HECTD2: variants seen among roughly 807,000 people sequenced by gnomAD.
HECTD2 encodes the protein HECT domain E3 ubiquitin protein ligase 2.
A neutral mutation model predicts 103.2 loss-of-function variants in HECTD2; 35 were observed. The observed-to-expected ratio is 0.34, with a 90% CI of 0.26 to 0.45. The LOEUF (loss-of-function observed/expected upper bound fraction) is 0.45, where lower values mean the gene tolerates loss of function less well. Ranked by LOEUF, HECTD2 falls within the 20% of genes least tolerant of loss-of-function variation. The pLI is 1.00. For missense variants in HECTD2, 596 were observed against 937.4 expected (o/e 0.64, Z 4.76); for synonymous variants, 281 against 329.9 (o/e 0.85, Z 1.61).
chr10:91,438,381 C>T (rs1844230190), intron 2 of HECTD2, among the ~76,000 whole-genome samples: 1 of 152,114 alleles, frequency 6.6e-6, no homozygotes, highest in Non-Finnish European at 1.5e-5. Flanking sequence ...TGGTTTCCAG[C>T]TTCATCCATG....
chr10:91,425,165 A>T, intron 1 of HECTD2, 116 bp from the exon 2 acceptor site: 1 of 809,212 alleles, frequency 1.2e-6, no homozygotes, highest in Non-Finnish European at 1.7e-6. Context: ...ATACGTTTTT[A>T]TCTATTATCT....
At chr10:91,473,497 A>C (rs181890621) in intron 5 of HECTD2, among the ~76,000 whole-genome samples, 187 of 152,290 alleles carry the variant, frequency 1.2e-3, no homozygotes, top group Admixed American at 2.7e-3. Flanking sequence ...ATAAGAAAGA[A>C]TGATGAAAAA....
At chr10:91,444,688 A>G (rs78910834) in intron 2 of HECTD2, among the ~76,000 whole-genome samples, 3,056 of 152,290 alleles carry the variant, frequency 0.02, 103 homozygotes, top group African/African-American at 0.07. Context: ...GATTCTTAAA[A>G]TATAATTCAA....
intron 2 of HECTD2, among the ~76,000 whole-genome samples, chr10:91,428,673 CTGTT>C (rs1313889503): frequency 6.6e-6 from 1 of 151,580 alleles, no homozygotes; most frequent in African/African-American, 2.4e-5. Context: ...ATTTGGCTCT[CTGTT>C]TGTCTGTTAT....
At position 91,458,177 on chromosome 10, in the gene HECTD2, A is replaced by G. The variant is rs150229000; in HGVS notation, c.269-2250A>G. Among the ~76,000 whole-genome samples the G allele has an allele frequency of 5.5e-4, 83 of 152,074 alleles. 1 individual carries two copies. In the East Asian group the frequency reaches 7.5e-3, roughly 14 times the overall value. On this transcript the variant is annotated intron_variant, in intron 2 of 20. Coordinates refer to ENST00000298068, the MANE Select transcript of HECTD2 (RefSeq NM_182765.6). ...CACACGGACACTAAAATAAAAATGC[A>G]TATCATTTGTAATCACTTAAAAAAG...
chr10:91,417,252 T>G (rs1302866305), intron 1 of HECTD2, among the ~76,000 whole-genome samples: 2 of 152,220 alleles, frequency 1.3e-5, no homozygotes, highest in Non-Finnish European at 2.9e-5. Flanking sequence ...AGTTGATATT[T>G]GTAACTTGGA....
At chr10:91,440,460 G>A (rs934522371) in intron 2 of HECTD2, among the ~76,000 whole-genome samples, 2 of 152,060 alleles carry the variant, frequency 1.3e-5, no homozygotes, top group Admixed American at 1.3e-4. Context: ...TTTTTGATGT[G>A]CTGCTACATT....
At chr10:91,470,791 A>G (rs890463328) in intron 5 of HECTD2, among the ~76,000 whole-genome samples, 1 of 152,130 alleles carries the variant, frequency 6.6e-6, no homozygotes, top group African/African-American at 2.4e-5. Context: ...AGTAAGAAAC[A>G]GCTTACCAAC....
chr10:91,439,867 GAT>G (rs1313545028), intron 2 of HECTD2, among the ~76,000 whole-genome samples: 1 of 152,044 alleles, frequency 6.6e-6, no homozygotes, highest in African/African-American at 2.4e-5. Flanking sequence ...GTTCACTGAT[GAT>G]TTGGCTCTCT....
chr10:91,477,897 TC>T (rs1191880553), intron 5 of HECTD2, among the ~76,000 whole-genome samples: 3 of 152,312 alleles, frequency 2.0e-5, no homozygotes, highest in African/African-American at 7.2e-5. Flanking sequence ...CATTACTCTG[TC>T]CTGTCGGGTC....
intron 5 of HECTD2, among the ~76,000 whole-genome samples, chr10:91,470,591 T>C (rs1375057151): frequency 6.6e-6 from 1 of 152,050 alleles, no homozygotes; most frequent in African/African-American, 2.4e-5. Context: ...ACATCAAAAA[T>C]GTTAGATCTC....
intron 5 of HECTD2, among the ~76,000 whole-genome samples, chr10:91,471,472 C>G (rs565007874): frequency 6.6e-6 from 1 of 152,258 alleles, no homozygotes; most frequent in South Asian, 2.1e-4. Flanking sequence ...TTAGCCAGAG[C>G]AGTTGGGCAA....
chr10:91,450,025 C>T (rs759890574), intron 2 of HECTD2, among the ~76,000 whole-genome samples: 2 of 152,168 alleles, frequency 1.3e-5, no homozygotes, highest in Non-Finnish European at 2.9e-5. Flanking sequence ...TTAGAAAAAA[C>T]TACTTTACAT....
intron 11 of HECTD2, chr10:91,489,034 A>G (rs765335779): frequency 2.6e-5 from 4 of 152,028 alleles, no homozygotes; most frequent in African/African-American, 7.2e-5. Flanking sequence ...TGATTTTTTT[A>G]TATTTGTAAG....
intron 2 of HECTD2, among the ~76,000 whole-genome samples, chr10:91,444,490 T>C (rs1041349253): frequency 6.6e-6 from 1 of 152,216 alleles, no homozygotes; most frequent in Non-Finnish European, 1.5e-5. Context: ...GTTAACACAC[T>C]ATGTTAATGG....
rs1239521754 is a variant in HECTD2, at chr10:91,514,280, TAAG to T, written c.*1900_*1902del. 5 of 152,616 alleles carry T rather than the reference TAAG, an allele frequency of 3.3e-5. No individual in the cohort carries two copies. Among genetic ancestry groups the T allele is most frequent in the African/African-American group, 1.2e-4 (5 of 41,456 alleles). 9.5% of individuals were successfully genotyped at this position (152,616 alleles called of 1,614,324 possible). ...ATCGATTAGCTGTGTCACTTTTAAATAAGAAGTCCACACAAGCAAGCCAAATTT... is the reference window on the plus strand; with the variant it reads ...ATCGATTAGCTGTGTCACTTTTAAATAAGTCCACACAAGCAAGCCAAATTT... On this transcript the variant is annotated 3_prime_UTR_variant, in exon 21 of 21. Transcript: ENST00000298068.
intron 6 of HECTD2, among the ~76,000 whole-genome samples, chr10:91,478,548 G>GT (rs1312255108): frequency 1.1e-4 from 17 of 152,134 alleles, no homozygotes; most frequent in African/African-American, 3.6e-4. Context: ...AACAAAAATG[G>GT]AATGGGTACT....
chr10:91,471,666 A>G (rs1391369046), intron 5 of HECTD2, among the ~76,000 whole-genome samples: 1 of 152,222 alleles, frequency 6.6e-6, no homozygotes, highest in African/African-American at 2.4e-5. Flanking sequence ...CTATACACCA[A>G]CATCTAAGCA....
intron 9 of HECTD2, 60 bp downstream of exon 9, chr10:91,484,715 C>T: frequency 7.4e-7 from 1 of 1,344,218 alleles, no homozygotes; most frequent in Non-Finnish European, 1.0e-6. Context: ...AGGGATATTT[C>T]TTAAGGATTT....
Sources: allele counts gnomAD v4.1 joint callset (sites outside exome capture counted in the v4.1 genomes callset), GRCh38; gene constraint gnomAD v4.1.1; transcripts MANE v1.5; gene names NCBI Gene and HGNC (gene_info 2026-07-23, HGNC 2026-07-21).